HIBCH: variants seen among roughly 807,000 people sequenced by gnomAD.
The protein encoded by HIBCH is 3-hydroxyisobutyryl-CoA hydrolase, also known as 3-hydroxyisobutyryl-CoA hydrolase, mitochondrial.
Under a neutral mutation model 58.2 loss-of-function variants are expected in HIBCH, and 50 were observed. The ratio of observed to expected loss-of-function variants is 0.86; its 90% CI spans 0.68 to 1.09. The LOEUF is 1.09. HIBCH is among the 50% of genes least tolerant of loss of function. HIBCH has a pLI of 0.00. For missense variants in HIBCH, 450 were observed against 449.7 expected (o/e 1.00, Z -0.01); for synonymous variants, 151 against 146.9 (o/e 1.03, Z -0.20).
Position 190,296,922 on chromosome 2 carries a change from T to C in HIBCH, c.110A>G (p.Glu37Gly). The change falls in exon 3 of 14, where the codon GAG becomes GGG. Residue 37 changes from glutamate to glycine, a missense_variant. Coordinates refer to ENST00000359678, the MANE Select transcript of HIBCH (RefSeq NM_014362.4). ...RMSKHTDAAE[E>G]VLLEKKGCTG... is the part of the protein sequence containing the mutation. ...GCAACCTTTTTTTTCCAATAGCACC[T>C]CTTCTGCTGCATCTGTGTGCTTGGA... The C allele has an allele frequency of 6.2e-7, 1 of 1,614,076 alleles. No individual in the cohort carries two copies.
At chr2:190,311,433 T>C (rs575841523) in intron 1 of HIBCH, among the ~76,000 whole-genome samples, 2 of 152,304 alleles carry the variant, frequency 1.3e-5, no homozygotes, top group African/African-American at 4.8e-5. Context: ...TTATAACTAC[T>C]CTAAAAAATA....
At chr2:190,262,163 CAAA>C (rs982653583) in intron 6 of HIBCH, among the ~76,000 whole-genome samples, 10 of 91,942 alleles carry the variant, frequency 1.1e-4, no homozygotes, top group African/African-American at 1.6e-4. Flanking sequence ...GCGGTAGAGA[CAAA>C]AAAAAAAAAA....
intron 1 of HIBCH, among the ~76,000 whole-genome samples, chr2:190,314,329 GTATATA>G (rs1255478510): frequency 0.017 from 60 of 3,440 alleles, 1 homozygote; most frequent in Middle Eastern, 0.17. Flanking sequence ...ATGTATATAT[GTATATA>G]TACATATATA....
Position 190,319,739 on chromosome 2 carries a change from G to A in HIBCH, c.12C>T (p.Arg4=), listed in dbSNP as rs201078250. 6.2e-6 allele frequency: 10 copies of A among 1,612,844 alleles called. No individual in the cohort carries two copies. The highest frequency in any genetic ancestry group is 8.5e-6 in the Non-Finnish European group (10 of 1,179,488). The part of the protein sequence containing the change: MGQ[R]EMWRLMSRFN... The stretch of plus-strand genomic sequence containing the variant: ...ACCTCGACATGAGCCTCCACATCTC[G>A]CGCTGCCCCATCGCCAAACACTCCG... Residue 4 remains arginine, a synonymous_variant, in exon 1 of 14, where the codon CGC becomes CGT. Transcript: ENST00000359678.
At position 190,319,792 on chromosome 2, in the gene HIBCH, C is replaced by T. The variant is rs753304460; in HGVS notation, c.-42G>A. 3 of 1,596,658 alleles carry T rather than the reference C, an allele frequency of 1.9e-6. No homozygotes were observed. Among genetic ancestry groups the T allele is most frequent in the Middle Eastern group, 1.7e-4 (1 of 6,050 alleles). Reference sequence around the variant, plus strand: ...GCTAAAGCAGCAGAGCGAGAATCTCCCGGACCGTTCCAGCGCCTCGCGTGA... The same window carrying T: ...GCTAAAGCAGCAGAGCGAGAATCTCTCGGACCGTTCCAGCGCCTCGCGTGA... On this transcript the variant is annotated 5_prime_UTR_variant, in exon 1 of 14. Transcript: ENST00000359678.
chr2:190,242,728 G>C lies in HIBCH; in HGVS notation c.891+2159C>G, dbSNP rs185809587. ...CCATGTGATCAGCTGCAGAAATGGAGACTGTGATTGTCATAAATATTTCCT... is the reference window on the plus strand; with the variant it reads ...CCATGTGATCAGCTGCAGAAATGGACACTGTGATTGTCATAAATATTTCCT... On this transcript the variant is annotated intron_variant, in intron 11 of 13. Transcript: ENST00000359678. Among the ~76,000 whole-genome samples, 523 of 152,282 alleles carry C rather than the reference G, an allele frequency of 3.4e-3. 1 individual carries two copies. Among genetic ancestry groups the C allele is most frequent in the African/African-American group, 0.012 (491 of 41,554 alleles).
intron 11 of HIBCH, among the ~76,000 whole-genome samples, chr2:190,233,407 A>G (rs1290220833): frequency 6.6e-6 from 1 of 152,166 alleles, no homozygotes; most frequent in Non-Finnish European, 1.5e-5. Context: ...GATCTTTCCC[A>G]TGCCGTTCTC....
At chr2:190,222,330 T>C (rs900573637) in intron 11 of HIBCH, among the ~76,000 whole-genome samples, 1 of 151,988 alleles carries the variant, frequency 6.6e-6, no homozygotes, top group African/African-American at 2.4e-5. Context: ...CTACAGTTAC[T>C]GCCCATGAAG....
Position 190,296,994 on chromosome 2 carries a change from G to A in HIBCH, c.79-41C>T, listed in dbSNP as rs767109557. On this transcript the variant is annotated intron_variant, in intron 2 of 13. Coordinates refer to ENST00000359678, the MANE Select transcript of HIBCH (RefSeq NM_014362.4). ...ATAACTTTATGACAAAATTTCTTAA[G>A]TTTTTATCACAAGCCAACATCAAAA... The A allele has an allele frequency of 4.0e-5, 64 of 1,592,900 alleles. 3 individuals carry two copies. The highest frequency in any genetic ancestry group is 2.7e-4 in the South Asian group (24 of 90,354).
chr2:190,230,244 T>C (rs1393430767), intron 11 of HIBCH, among the ~76,000 whole-genome samples: 2 of 151,694 alleles, frequency 1.3e-5, no homozygotes, highest in African/African-American at 4.8e-5. Context: ...CCTGAAAATA[T>C]AAAGATGGAA....
intron 6 of HIBCH, among the ~76,000 whole-genome samples, chr2:190,264,325 A>T (rs1310078136): frequency 7.9e-5 from 12 of 151,514 alleles, no homozygotes; most frequent in African/African-American, 2.9e-4. Context: ...ATCCACTTAA[A>T]GGTACACAAA....
At chr2:190,190,869 A>C (rs1247161979) in intron 1 of HIBCH, among the ~76,000 whole-genome samples, 1 of 152,182 alleles carries the variant, frequency 6.6e-6, no homozygotes, top group African/African-American at 2.4e-5. Flanking sequence ...CCACCACCAC[A>C]ATCGGGATAA....
At position 190,279,523 on chromosome 2, in the gene HIBCH, G is replaced by A. The variant is rs1255083844; in HGVS notation, c.438+8063C>T. 6.6e-6 allele frequency among the ~76,000 whole-genome samples: 1 copy of A among 152,140 alleles called. No homozygotes were observed. The highest frequency in any genetic ancestry group is 1.5e-5 in the Non-Finnish European group (1 of 68,022). On this transcript the variant is annotated intron_variant, in intron 6 of 13. Coordinates refer to ENST00000359678, the MANE Select transcript of HIBCH (RefSeq NM_014362.4). This position sits in a 1 kb window ranked among gnomAD's most constrained non-coding sequence, Gnocchi z 4.2. ...GATACAGTGGTAGGACAGGTATAGG[G>A]TATACATTCCTGTAAAAAGTAAAGT...
At chr2:190,212,842 A>G in intron 12 of HIBCH, 114 bp downstream of exon 12, 1 of 914,196 alleles carries the variant, frequency 1.1e-6, no homozygotes, top group African/African-American at 1.7e-5. Flanking sequence ...TTGTAGAGTA[A>G]ATTTACAGGT....
chr2:190,251,404 T>C (rs1258718116), intron 8 of HIBCH: 1 of 315,606 alleles, frequency 3.2e-6, no homozygotes, highest in African/African-American at 2.3e-5. Flanking sequence ...AGGAATAAGA[T>C]AAGCCAGTCC....
chr2:190,310,831 T>C lies in HIBCH; in HGVS notation c.36-35A>G, dbSNP rs1395484643. On this transcript the variant is annotated intron_variant, in intron 1 of 13. Coordinates refer to ENST00000359678, the MANE Select transcript of HIBCH (RefSeq NM_014362.4). ...ATGTGGAAAACAATGAGAACAGTAA[T>C]GTGGGTAGTCATGTCTCAGTTGACA... 3.4e-6 allele frequency: 5 copies of C among 1,464,656 alleles called. No homozygotes were observed. In the Admixed American group the frequency reaches 8.4e-5, roughly 24 times the overall value. The allele number at this position is 1,464,656 out of a possible 1,614,324, so 90.7% of individuals were successfully genotyped here. A position where few individuals can be genotyped will look rare whatever the true frequency, so the allele number is the denominator to read the frequency against.
intron 6 of HIBCH, among the ~76,000 whole-genome samples, chr2:190,285,722 C>T (rs764272353): frequency 3.9e-5 from 6 of 152,054 alleles, no homozygotes; most frequent in Non-Finnish European, 7.4e-5. Context: ...CCTATTGTCA[C>T]GGCTCAGGAT....
In HIBCH at chr2:190,207,565, C is replaced by T. The variant is rs750974061; in HGVS notation, c.1045+1315G>A. On this transcript the variant is annotated intron_variant, in intron 13 of 13. Coordinates refer to ENST00000359678, the MANE Select transcript of HIBCH (RefSeq NM_014362.4). This position sits in a 1 kb window ranked among gnomAD's most constrained non-coding sequence, Gnocchi z 4.5. ...AAGCTTAAGAGCTGAGAGAACATAACATAACCTTTTATTCAGATAAAAAAG... is the reference window on the plus strand; with the variant it reads ...AAGCTTAAGAGCTGAGAGAACATAATATAACCTTTTATTCAGATAAAAAAG... Among the ~76,000 whole-genome samples, 91 of 152,138 alleles carry T rather than the reference C, an allele frequency of 6.0e-4. No homozygotes were observed. The highest frequency in any genetic ancestry group is 1.7e-3 in the African/African-American group (70 of 41,432).
rs1215026072 is a variant in HIBCH at position 190,197,373 on chromosome 2, T to C, written c.*18-7376A>G. Among the ~76,000 whole-genome samples the C allele has an allele frequency of 2.6e-5, 4 of 152,218 alleles. No individual in the cohort carries two copies. Among genetic ancestry groups the C allele is most frequent in the Non-Finnish European group, 5.9e-5 (4 of 68,034 alleles). On this transcript the variant is annotated intron_variant, in intron 1 of 1. Transcript: ENST00000399855. This position sits in a 1 kb window ranked among gnomAD's most constrained non-coding sequence, Gnocchi z 4.0. ...AGGATTCTAAGTACTGTATAACTTC[T>C]GGTGTCACTGTTCAACTCTTAAGTC...
Sources: allele counts gnomAD v4.1 joint callset (sites outside exome capture counted in the v4.1 genomes callset), GRCh38; gene constraint gnomAD v4.1.1; non-coding constraint Gnocchi (gnomAD v3.1); transcripts MANE v1.5; gene names NCBI Gene and HGNC (gene_info 2026-07-23, HGNC 2026-07-21).